Variants in CDH12 observed in about 807,000 individuals in gnomAD.
The protein encoded by CDH12 is cadherin-12.
In CDH12, 41 loss-of-function variants were observed where a neutral mutation model predicts 74.1. The ratio of observed to expected loss-of-function variants is 0.55; its 90% CI spans 0.43 to 0.72. CDH12 has a LOEUF of 0.72. Ranked by LOEUF, CDH12 falls within the 30% of genes least tolerant of loss-of-function variation. The pLI is 0.00. For synonymous variants in CDH12, 399 were observed against 355.0 expected (o/e 1.12, Z -1.39); for missense variants, 945 against 977.2 (o/e 0.97, Z 0.44).
chr5:22,045,733 TA>T (rs1052909093), intron 5 of CDH12, among the ~76,000 whole-genome samples: 2 of 152,018 alleles, frequency 1.3e-5, no homozygotes, highest in African/African-American at 4.8e-5. Flanking sequence ...ATGTGGAATC[TA>T]AAAAAAGTTT....
At chr5:22,828,636 C>T (rs1736446456) in intron 1 of CDH12, among the ~76,000 whole-genome samples, 1 of 152,150 alleles carries the variant, frequency 6.6e-6, no homozygotes, top group African/African-American at 2.4e-5. Flanking sequence ...GATCATTAAA[C>T]TAATGTGACC....
chr5:22,404,958 C>T (rs1326775846), intron 3 of CDH12, among the ~76,000 whole-genome samples: 5 of 152,152 alleles, frequency 3.3e-5, no homozygotes, highest in Non-Finnish European at 7.4e-5. Flanking sequence ...GCCTATAATT[C>T]CAGCTCTTTG....
At chr5:22,484,783 T>C (rs927033088) in intron 2 of CDH12, among the ~76,000 whole-genome samples, 1 of 152,214 alleles carries the variant, frequency 6.6e-6, no homozygotes, top group Admixed American at 6.5e-5. Flanking sequence ...ATTGCTTATA[T>C]TGCACAAATA....
At chr5:22,752,321 G>C (rs1745621110) in intron 1 of CDH12, among the ~76,000 whole-genome samples, 1 of 151,660 alleles carries the variant, frequency 6.6e-6, no homozygotes, top group South Asian at 2.1e-4. Flanking sequence ...ATTAATACTA[G>C]AGTAACTTCA....
chr5:22,391,647 T>G (rs892104942), intron 3 of CDH12, among the ~76,000 whole-genome samples: 7 of 152,152 alleles, frequency 4.6e-5, no homozygotes, highest in Non-Finnish European at 1.0e-4. Flanking sequence ...CCTACCTAAA[T>G]AACTGATTTT....
chr5:22,753,973 A>G (rs1745745818), intron 1 of CDH12, among the ~76,000 whole-genome samples: 3 of 152,138 alleles, frequency 2.0e-5, no homozygotes, highest in African/African-American at 7.2e-5. Context: ...GCTTACTATC[A>G]TCCATATTCT....
chr5:21,821,065 AAATAT>A (rs1360355144), intron 8 of CDH12, among the ~76,000 whole-genome samples: 1 of 151,984 alleles, frequency 6.6e-6, no homozygotes, highest in Non-Finnish European at 1.5e-5. Context: ...TCATATTCTT[AAATAT>A]AATATTCCCT....
At chr5:22,831,351 TTG>T (rs1554007029) in intron 1 of CDH12, among the ~76,000 whole-genome samples, 14 of 138,600 alleles carry the variant, frequency 1.0e-4, no homozygotes, top group South Asian at 2.3e-4. Flanking sequence ...GTTTTGGAGT[TTG>T]TGTGTGTGTG....
intron 1 of CDH12, among the ~76,000 whole-genome samples, chr5:22,525,129 G>C (rs184494855): frequency 6.6e-6 from 1 of 152,150 alleles, no homozygotes; most frequent in Non-Finnish European, 1.5e-5. Context: ...TCCCTACAAA[G>C]GACATGAACT....
intron 5 of CDH12, among the ~76,000 whole-genome samples, chr5:22,054,717 C>T (rs1740619626): frequency 6.6e-6 from 1 of 152,004 alleles, no homozygotes. Flanking sequence ...ATTACCTGTG[C>T]TGAATGTATG....
chr5:22,788,700 A>G (rs1747766098), intron 1 of CDH12, among the ~76,000 whole-genome samples: 1 of 148,644 alleles, frequency 6.7e-6, no homozygotes. Flanking sequence ...TTATGAAACT[A>G]TAATTATATA....
chr5:22,694,735 A>G (rs1014029062), intron 1 of CDH12, among the ~76,000 whole-genome samples: 7 of 151,166 alleles, frequency 4.6e-5, no homozygotes, highest in Admixed American at 1.3e-4. Flanking sequence ...ACGTCTTTCA[A>G]TTTCCTTTTA....
intron 8 of CDH12, among the ~76,000 whole-genome samples, chr5:21,827,128 A>C (rs560441510): frequency 1.3e-5 from 2 of 152,308 alleles, no homozygotes; most frequent in South Asian, 4.1e-4. Context: ...TGAGTCAAGC[A>C]AGTAGTATCT....
At chr5:22,803,063 C>T (rs919375976) in intron 1 of CDH12, among the ~76,000 whole-genome samples, 2 of 152,120 alleles carry the variant, frequency 1.3e-5, no homozygotes, top group African/African-American at 2.4e-5. Flanking sequence ...AGCCCAACAT[C>T]AACTTTCCCA....
chr5:21,945,427 CAAAAAAAAAAAAAAAAAA>C lies in CDH12; in HGVS notation c.526+29646_526+29663del, dbSNP rs1167475672. Among the ~76,000 whole-genome samples the C allele has an allele frequency of 5.2e-4, 8 of 15,530 alleles. 2 individuals are homozygous for C. Among genetic ancestry groups the C allele is most frequent in the Non-Finnish European group, 6.7e-4 (6 of 8,938 alleles). The allele number at this position is 15,530 out of a possible 152,430, so 10.2% of individuals were successfully genotyped here. ...GGCAACAGAGTGAGACTGTTTCAGA[CAAAAAAAAAAAAAAAAAA>C]AAAAAAAAAAAAAGAGGTTGGAATT... is the stretch of plus-strand genomic sequence containing the variant. On this transcript the variant is annotated intron_variant, in intron 6 of 14. Transcript: ENST00000382254.
intron 3 of CDH12, among the ~76,000 whole-genome samples, chr5:22,338,194 TA>T (rs949742224): frequency 6.6e-6 from 1 of 152,066 alleles, no homozygotes; most frequent in African/African-American, 2.4e-5. Flanking sequence ...ATGAACTGAT[TA>T]AAAAAATGTG....
At chr5:22,548,323 C>A (rs1163376055) in intron 1 of CDH12, among the ~76,000 whole-genome samples, 1 of 152,056 alleles carries the variant, frequency 6.6e-6, no homozygotes, top group Non-Finnish European at 1.5e-5. Flanking sequence ...GGAGTTTGTA[C>A]AAAGGATAAT....
chr5:22,020,751 C>A (rs906127776), intron 5 of CDH12, among the ~76,000 whole-genome samples: 1 of 152,004 alleles, frequency 6.6e-6, no homozygotes, highest in African/African-American at 2.4e-5. Flanking sequence ...AGTTATCCCC[C>A]CTCTCATGAC....
intron 1 of CDH12, among the ~76,000 whole-genome samples, chr5:22,639,331 G>C (rs1430797315): frequency 6.6e-6 from 1 of 151,502 alleles, no homozygotes; most frequent in African/African-American, 2.4e-5. Context: ...GTTATATAGA[G>C]CTATATAAGC....
Sources: allele counts gnomAD v4.1 joint callset (sites outside exome capture counted in the v4.1 genomes callset), GRCh38; gene constraint gnomAD v4.1.1; transcripts MANE v1.5; gene names NCBI Gene and HGNC (gene_info 2026-07-23, HGNC 2026-07-21).